Variants in SEC23A observed in about 807,000 individuals in gnomAD.
SEC23A encodes protein transport protein Sec23A.
Under a neutral mutation model 103.7 loss-of-function variants are expected in SEC23A, and 56 were observed. That is an observed-to-expected ratio of 0.54 (90% CI 0.44 to 0.67). The LOEUF (loss-of-function observed/expected upper bound fraction) is 0.67, where lower values mean the gene tolerates loss of function less well. Among genes scored for constraint, SEC23A ranks in the 30% least tolerant of loss-of-function variants. SEC23A has a pLI of 0.00. For missense variants in SEC23A, 784 were observed against 936.4 expected, an observed-to-expected ratio of 0.84 and a Z score of 2.12; for synonymous variants, 281 against 293.0, an observed-to-expected ratio of 0.96 and a Z score of 0.42.
chr14:39,083,708 G>A (rs912838155), intron 7 of SEC23A, among the ~76,000 whole-genome samples: 4 of 150,738 alleles, frequency 2.7e-5, no homozygotes, highest in African/African-American at 4.9e-5. Context: ...GACTACAGGC[G>A]CCTGCCACCA....
At chr14:39,084,278 G>A (rs1004381958) in intron 7 of SEC23A, among the ~76,000 whole-genome samples, 1 of 151,650 alleles carries the variant, frequency 6.6e-6, no homozygotes, top group African/African-American at 2.4e-5. Context: ...CACCCACCTC[G>A]GCCTCCCAAA....
chr14:39,047,304 G>T lies in SEC23A; in HGVS notation c.1737+1348C>A, dbSNP rs1014694495. 4.7e-6 allele frequency: 4 copies of T among 846,768 alleles called. No homozygotes were observed. The African/African-American group carries it at 7.1e-5, about 15-fold the overall frequency. The allele number at this position is 846,768 out of a possible 1,614,324, so 52.5% of individuals were successfully genotyped here. ...AATTTAGTCAAATACTTAGGCTAAT[G>T]CCCTCCATCACTTTCCTATTAGTTT... is the stretch of plus-strand genomic sequence containing the variant. On this transcript the variant is annotated intron_variant, in intron 15 of 19. Coordinates refer to ENST00000307712, the MANE Select transcript of SEC23A (RefSeq NM_006364.4).
chr14:39,047,127 T>C (rs1438689522), intron 15 of SEC23A, among the ~76,000 whole-genome samples: 1 of 152,166 alleles, frequency 6.6e-6, no homozygotes, highest in Non-Finnish European at 1.5e-5. Context: ...TAGAAGATTA[T>C]CAGACTTTGA....
chr14:39,049,287 C>G (rs1885959349), intron 14 of SEC23A, among the ~76,000 whole-genome samples: 1 of 151,818 alleles, frequency 6.6e-6, no homozygotes, highest in Non-Finnish European at 1.5e-5. Flanking sequence ...ACCAGCCTGG[C>G]CAACATGGTG....
chr14:39,037,641 A>G (rs1038520869), intron 19 of SEC23A, among the ~76,000 whole-genome samples: 1 of 152,088 alleles, frequency 6.6e-6, no homozygotes, highest in African/African-American at 2.4e-5. Context: ...ACATAACCAC[A>G]CCATTATCAC....
At chr14:39,102,367 T>C (rs533948950) in intron 1 of SEC23A, among the ~76,000 whole-genome samples, 1 of 152,242 alleles carries the variant, frequency 6.6e-6, no homozygotes, top group Non-Finnish European at 1.5e-5. Context: ...TAGTTATCCA[T>C]GGCTTTGGAC....
chr14:39,077,024 T>G (rs1308948000), intron 7 of SEC23A, among the ~76,000 whole-genome samples: 1 of 150,774 alleles, frequency 6.6e-6, no homozygotes, highest in African/African-American at 2.4e-5. Flanking sequence ...GGCAAGAGTT[T>G]GAAACCAGTC....
intron 10 of SEC23A, among the ~76,000 whole-genome samples, chr14:39,065,951 T>C (rs1886645849): frequency 7.8e-6 from 1 of 128,916 alleles, no homozygotes; most frequent in Non-Finnish European, 1.5e-5. Flanking sequence ...TGAGCTGAGA[T>C]CATGACATTG....
At position 39,052,963 on chromosome 14, in the gene SEC23A, C is replaced by T. The variant is rs145608419; in HGVS notation, c.1659+2180G>A. ...CCAGCCTGGCCAACATGGTGAAACCCGTCTCTACTAAAAATACAAAAAATT... is the reference window on the plus strand; with the variant it reads ...CCAGCCTGGCCAACATGGTGAAACCTGTCTCTACTAAAAATACAAAAAATT... On this transcript the variant is annotated intron_variant, in intron 14 of 19. Transcript: ENST00000307712. Among the ~76,000 whole-genome samples, 691 of 152,148 alleles carry T rather than the reference C, an allele frequency of 4.5e-3. 7 individuals carry two copies. Among genetic ancestry groups the T allele is most frequent in the African/African-American group, 0.016 (664 of 41,514 alleles).
chr14:39,102,934 G>T (rs935898725), intron 1 of SEC23A, 98 bp downstream of exon 1: 1 of 152,650 alleles, frequency 6.6e-6, no homozygotes, highest in Non-Finnish European at 1.5e-5. Context: ...AGCACACCTC[G>T]CTGGCCCCGG....
At chr14:39,074,340 G>A in intron 9 of SEC23A, 75 bp downstream of exon 9, 1 of 935,490 alleles carries the variant, frequency 1.1e-6, no homozygotes, top group Non-Finnish European at 1.8e-6. Flanking sequence ...TCCCTAAATG[G>A]TCATTATTGG....
chr14:39,052,050 A>G (rs563917643), intron 14 of SEC23A, among the ~76,000 whole-genome samples: 1 of 152,216 alleles, frequency 6.6e-6, no homozygotes, highest in African/African-American at 2.4e-5. Flanking sequence ...GCAAACTAAG[A>G]CAGGAATAGA....
At chr14:39,066,841 C>T (rs534595583) in intron 10 of SEC23A, among the ~76,000 whole-genome samples, 132 of 151,834 alleles carry the variant, frequency 8.7e-4, no homozygotes, top group African/African-American at 3.2e-3. Context: ...CTAGCCTGGG[C>T]GACAGAGGAA....
intron 10 of SEC23A, among the ~76,000 whole-genome samples, chr14:39,066,426 A>T (rs1299440463): frequency 6.6e-6 from 1 of 152,172 alleles, no homozygotes; most frequent in Non-Finnish European, 1.5e-5. Flanking sequence ...ATGCAATAAC[A>T]ACTAATCATA....
chr14:39,075,148 G>C, intron 8 of SEC23A, among the ~76,000 whole-genome samples: 1 of 151,892 alleles, frequency 6.6e-6, no homozygotes, highest in East Asian at 1.9e-4. Context: ...CTCTTTCCTA[G>C]CTAAATCCAT....
chr14:39,069,394 C>T (rs1886771388), intron 9 of SEC23A, among the ~76,000 whole-genome samples: 1 of 152,178 alleles, frequency 6.6e-6, no homozygotes, highest in African/African-American at 2.4e-5. Flanking sequence ...ACCTACCCTC[C>T]TCACTCACTC....
chr14:39,048,764 C>T (rs1327453986), intron 14 of SEC23A, 35 bp from the exon 15 acceptor site: 1 of 1,191,284 alleles, frequency 8.4e-7, no homozygotes, highest in Non-Finnish European at 1.2e-6. Flanking sequence ...AATTTATTTC[C>T]TGGAATAAAA....
chr14:39,040,400 C>A, intron 18 of SEC23A: 1 of 241,996 alleles, frequency 4.1e-6, no homozygotes, highest in South Asian at 8.0e-5. Flanking sequence ...AAATAAACGG[C>A]TTTAAGAAAA....
At chr14:39,037,201 A>T (rs1423056021) in intron 19 of SEC23A, among the ~76,000 whole-genome samples, 1 of 152,056 alleles carries the variant, frequency 6.6e-6, no homozygotes, top group Non-Finnish European at 1.5e-5. Context: ...CTGACCATCA[A>T]ACCCAAATTG....
Sources: allele counts gnomAD v4.1 joint callset (sites outside exome capture counted in the v4.1 genomes callset), GRCh38; gene constraint gnomAD v4.1.1; transcripts MANE v1.5; gene names NCBI Gene and HGNC (gene_info 2026-07-23, HGNC 2026-07-21).